The following SYT1 variants were observed in gnomAD, a reference collection of about 807,000 sequenced individuals.
SYT1 encodes the protein synaptotagmin 1.
SYT1 carries 8 observed loss-of-function variants against 44.8 expected under a neutral mutation model. The observed-to-expected ratio is 0.18, with a 90% CI of 0.10 to 0.32. The LOEUF is 0.32. SYT1 is among the 10% of genes least tolerant of loss of function. SYT1 has a pLI of 1.00. For synonymous variants in SYT1, 154 were observed against 188.8 expected, an observed-to-expected ratio of 0.82 and a Z score of 1.51; for missense variants, 286 against 509.3, an observed-to-expected ratio of 0.56 and a Z score of 4.22.
chr12:79,091,228 A>G (rs559796685), intron 3 of SYT1, among the ~76,000 whole-genome samples: 2 of 152,090 alleles, frequency 1.3e-5, no homozygotes, highest in South Asian at 4.1e-4. Context: ...AACTGTGGAA[A>G]ATTTGCTTTA....
chr12:79,006,693 G>A (rs907785645), intron 2 of SYT1, among the ~76,000 whole-genome samples: 1 of 152,028 alleles, frequency 6.6e-6, no homozygotes, highest in African/African-American at 2.4e-5. Flanking sequence ...AGATATTTGT[G>A]AGAAGATATT....
chr12:78,944,921 A>G (rs1446851057), intron 1 of SYT1, among the ~76,000 whole-genome samples: 6 of 152,192 alleles, frequency 3.9e-5, no homozygotes, highest in Admixed American at 2.0e-4. Flanking sequence ...TTTCCCTCAG[A>G]TGTGGGACAT....
Position 79,043,725 on chromosome 12 carries a change from T to A in SYT1, c.-83-3572T>A, listed in dbSNP as rs185909701. ...CGATGCAGTTTCTTCCTAGTCTCCA[T>A]GGTCTTTACATTTTGGCATGATTTT... On this transcript the variant is annotated intron_variant, in intron 2 of 10. Coordinates refer to ENST00000261205, the MANE Select transcript of SYT1 (RefSeq NM_005639.3). Among the ~76,000 whole-genome samples the A allele has an allele frequency of 8.7e-4, 132 of 152,322 alleles. 1 individual carries two copies. Among genetic ancestry groups the A allele is most frequent in the Non-Finnish European group, 1.6e-3 (112 of 68,026 alleles).
Position 79,027,598 on chromosome 12 carries a change from T to C in SYT1, c.-83-19699T>C, listed in dbSNP as rs983650789. Among the ~76,000 whole-genome samples the C allele has an allele frequency of 3.3e-5, 5 of 151,440 alleles. No individual in the cohort carries two copies. In the Admixed American group the frequency reaches 3.3e-4, roughly 10 times the overall value. Reference sequence around the variant, plus strand: ...ATAAATGCATTGGGCAGGTTGAAACTCGAAAGCTTTTAGGCATGTGACAAC... The same window carrying C: ...ATAAATGCATTGGGCAGGTTGAAACCCGAAAGCTTTTAGGCATGTGACAAC... On this transcript the variant is annotated intron_variant, in intron 2 of 10. Coordinates refer to ENST00000261205, the MANE Select transcript of SYT1 (RefSeq NM_005639.3).
At chr12:79,397,752 A>G (rs1038240551) in intron 9 of SYT1, among the ~76,000 whole-genome samples, 8 of 152,244 alleles carry the variant, frequency 5.3e-5, no homozygotes, top group African/African-American at 1.9e-4. Context: ...CTATGCTACA[A>G]GACTTAAAGA....
At chr12:78,931,236 AAAGAAGGAAGGAAGGAAGG>A (rs1877665295) in intron 1 of SYT1, among the ~76,000 whole-genome samples, 4 of 58,698 alleles carry the variant, frequency 6.8e-5, no homozygotes, top group African/African-American at 2.0e-4. Flanking sequence ...AGAAAGAAAG[AAAGAAGGAAGGAAGGAAGG>A]AAGGAAGGAA....
chr12:79,425,952 A>G (rs563124913), intron 9 of SYT1, among the ~76,000 whole-genome samples: 112 of 152,286 alleles, frequency 7.4e-4, no homozygotes, highest in Non-Finnish European at 9.1e-4. Flanking sequence ...AGCTCCTCTT[A>G]GAATATTATG....
chr12:79,061,108 A>G (rs1021409066), intron 3 of SYT1, among the ~76,000 whole-genome samples: 3 of 152,108 alleles, frequency 2.0e-5, no homozygotes. Flanking sequence ...CTAAATAAGA[A>G]TGCAAATTTA....
At chr12:78,987,497 C>G (rs1481098847) in intron 2 of SYT1, among the ~76,000 whole-genome samples, 1 of 151,938 alleles carries the variant, frequency 6.6e-6, no homozygotes. Context: ...TTTTTTTACT[C>G]AGCTCTTGTT....
At chr12:79,267,045 C>T (rs1008219155) in intron 4 of SYT1, among the ~76,000 whole-genome samples, 8 of 152,210 alleles carry the variant, frequency 5.3e-5, no homozygotes, top group Admixed American at 1.3e-4. Flanking sequence ...TTCCAAGTTA[C>T]AGAGAATTCT....
intron 3 of SYT1, among the ~76,000 whole-genome samples, chr12:79,163,406 G>A (rs1225343340): frequency 1.3e-5 from 2 of 152,062 alleles, no homozygotes; most frequent in Non-Finnish European, 2.9e-5. Context: ...AGGGAACTGT[G>A]TAGGCTACAG....
intron 1 of SYT1, among the ~76,000 whole-genome samples, chr12:78,874,889 T>C (rs1873987730): frequency 6.6e-6 from 1 of 151,768 alleles, no homozygotes; most frequent in East Asian, 1.9e-4. Flanking sequence ...AGTTATGTCC[T>C]TGCCTTACTC....
At chr12:79,076,380 A>G (rs1008502961) in intron 3 of SYT1, among the ~76,000 whole-genome samples, 10 of 152,178 alleles carry the variant, frequency 6.6e-5, no homozygotes, top group African/African-American at 1.7e-4. Flanking sequence ...ATTTTGTGGT[A>G]GCGTGTTCTG....
chr12:79,094,266 A>G (rs185825359), intron 3 of SYT1, among the ~76,000 whole-genome samples: 1 of 151,918 alleles, frequency 6.6e-6, no homozygotes, highest in Non-Finnish European at 1.5e-5. Context: ...TCTCACTTAC[A>G]TCTATTTAAT....
chr12:79,387,941 C>T (rs1398202250), intron 9 of SYT1, among the ~76,000 whole-genome samples: 4 of 152,240 alleles, frequency 2.6e-5, no homozygotes, highest in African/African-American at 9.6e-5. Flanking sequence ...ATGGTTTGAT[C>T]AATACATGCA....
At chr12:78,909,534 G>A (rs576701460) in intron 1 of SYT1, among the ~76,000 whole-genome samples, 2 of 151,780 alleles carry the variant, frequency 1.3e-5, no homozygotes, top group Non-Finnish European at 2.9e-5. Context: ...AGAGAGAATT[G>A]TTATAGAAAC....
intron 3 of SYT1, among the ~76,000 whole-genome samples, chr12:79,175,354 T>C (rs925023637): frequency 1.3e-5 from 2 of 152,102 alleles, no homozygotes; most frequent in African/African-American, 2.4e-5. Context: ...ATAAATACTT[T>C]TGACTTCACT....
At chr12:79,171,296 T>C (rs1380542692) in intron 3 of SYT1, among the ~76,000 whole-genome samples, 1 of 152,138 alleles carries the variant, frequency 6.6e-6, no homozygotes, top group East Asian at 1.9e-4. Context: ...ATAGCCATTT[T>C]CATGATATTG....
At chr12:79,379,231 A>G (rs1884120623) in intron 9 of SYT1, among the ~76,000 whole-genome samples, 1 of 152,178 alleles carries the variant, frequency 6.6e-6, no homozygotes, top group Non-Finnish European at 1.5e-5. Flanking sequence ...GAGGAAAACA[A>G]TGGGATATGC....
Sources: allele counts gnomAD v4.1 joint callset (sites outside exome capture counted in the v4.1 genomes callset), GRCh38; gene constraint gnomAD v4.1.1; transcripts MANE v1.5; gene names NCBI Gene and HGNC (gene_info 2026-07-23, HGNC 2026-07-21).